CDYL2: variants seen among roughly 807,000 people sequenced by gnomAD.
The protein encoded by CDYL2 is chromodomain Y-like protein 2.
A neutral mutation model predicts 49.4 loss-of-function variants in CDYL2; 23 were observed. The observed-to-expected ratio is 0.47, with a 90% confidence interval of 0.34 to 0.66. The LOEUF (loss-of-function observed/expected upper bound fraction) is 0.66. Among genes scored for constraint, CDYL2 ranks in the 30% least tolerant of loss-of-function variants. The probability of loss-of-function intolerance (pLI) is 0.01; values close to 1 mark genes in which losing one functional copy is unlikely to be tolerated. For synonymous variants in CDYL2, 360 were observed against 268.8 expected, an observed-to-expected ratio of 1.34 and a Z score of -3.32; for missense variants, 678 against 656.4, an observed-to-expected ratio of 1.03 and a Z score of -0.36.
intron 1 of CDYL2, among the ~76,000 whole-genome samples, chr16:80,748,469 A>C (rs1435548576): frequency 1.2e-4 from 15 of 122,264 alleles, no homozygotes; most frequent in Non-Finnish European, 2.4e-4. Context: ...GGATCGCGCC[A>C]CTGCCCTCCA....
intron 1 of CDYL2, among the ~76,000 whole-genome samples, chr16:80,776,322 G>A (rs751065474): frequency 6.6e-6 from 1 of 151,958 alleles, no homozygotes; most frequent in African/African-American, 2.4e-5. Context: ...GAAATAATTT[G>A]GTGAATCTGT....
chr16:80,652,214 G>T (rs1024024952), intron 2 of CDYL2, among the ~76,000 whole-genome samples: 2 of 152,058 alleles, frequency 1.3e-5, no homozygotes, highest in Non-Finnish European at 2.9e-5. Context: ...TGGAGCAATG[G>T]CTGACTCTGT....
At chr16:80,608,266 G>A (rs777439337) in intron 5 of CDYL2, 31 bp from the exon 6 acceptor site, 4 of 1,532,526 alleles carry the variant, frequency 2.6e-6, no homozygotes, top group Non-Finnish European at 2.6e-6. Context: ...AAAGACTGAG[G>A]GCCTGGAGGT....
chr16:80,662,816 T>C (rs1404278596), intron 2 of CDYL2: 3 of 451,310 alleles, frequency 6.6e-6, no homozygotes, highest in African/African-American at 6.0e-5. Context: ...CATGGATACC[T>C]TCCACATCTT....
intron 1 of CDYL2, among the ~76,000 whole-genome samples, chr16:80,759,834 G>A (rs1373920986): frequency 6.6e-6 from 1 of 152,122 alleles, no homozygotes; most frequent in Non-Finnish European, 1.5e-5. Flanking sequence ...GAAACTACCA[G>A]GGGAATTCTA....
intron 1 of CDYL2, among the ~76,000 whole-genome samples, chr16:80,695,801 T>C (rs552031162): frequency 8.7e-4 from 133 of 152,262 alleles, no homozygotes; most frequent in Middle Eastern, 3.4e-3. Context: ...CAATACAATA[T>C]TAGTTGAGAC....
chr16:80,639,624 A>AC (rs760366579), intron 2 of CDYL2: 3 of 393,474 alleles, frequency 7.6e-6, no homozygotes, highest in Admixed American at 2.9e-5. Flanking sequence ...GTCTACACAC[A>AC]AAAAAAAATA....
At chr16:80,619,035 T>C (rs1207370410) in intron 4 of CDYL2, among the ~76,000 whole-genome samples, 2 of 152,230 alleles carry the variant, frequency 1.3e-5, no homozygotes, top group Non-Finnish European at 2.9e-5. Flanking sequence ...CTGGAAGTTC[T>C]GACGGAGAAG....
chr16:80,800,277 T>C (rs185566150), intron 1 of CDYL2, among the ~76,000 whole-genome samples: 86 of 152,284 alleles, frequency 5.6e-4, no homozygotes, highest in Admixed American at 2.9e-3. Flanking sequence ...CGAAGAAGGC[T>C]ACACCCTGGA....
Position 80,598,604 on chromosome 16 carries a change from T to G in CDYL2, c.*5784A>C, listed in dbSNP as rs139269438. ...AAAATTCTTACCCTGGAGGTTCATA[T>G]TCAGATGGAGGAGTCTACACTGGCC... On this transcript the variant is annotated 3_prime_UTR_variant, in exon 7 of 7. Coordinates refer to ENST00000570137, the MANE Select transcript of CDYL2 (RefSeq NM_152342.4). 1 of 152,092 alleles carries G rather than the reference T, an allele frequency of 6.6e-6. No homozygotes were observed. The highest frequency in any genetic ancestry group is 2.4e-5 in the African/African-American group (1 of 41,388). The allele number at this position is 152,092 out of a possible 1,614,324, so 9.4% of individuals were successfully genotyped here.
At chr16:80,633,747 G>T (rs1045989149) in intron 2 of CDYL2, among the ~76,000 whole-genome samples, 1 of 152,232 alleles carries the variant, frequency 6.6e-6, no homozygotes, top group Non-Finnish European at 1.5e-5. Context: ...GCGCTGCCTT[G>T]AGATGAGAGG....
At chr16:80,702,217 C>CACACACAA (rs935484814) in intron 1 of CDYL2, among the ~76,000 whole-genome samples, 1 of 150,558 alleles carries the variant, frequency 6.6e-6, no homozygotes, top group African/African-American at 2.4e-5. Flanking sequence ...CACACACACA[C>CACACACAA]AAAACTATAA....
At chr16:80,655,525 C>G (rs1908768085) in intron 2 of CDYL2, among the ~76,000 whole-genome samples, 1 of 152,068 alleles carries the variant, frequency 6.6e-6, no homozygotes, top group Admixed American at 6.5e-5. Flanking sequence ...TGTTCGTGAA[C>G]CCAAATCTCA....
At chr16:80,653,974 C>T (rs752303051) in intron 2 of CDYL2, among the ~76,000 whole-genome samples, 5 of 152,172 alleles carry the variant, frequency 3.3e-5, no homozygotes, top group Middle Eastern at 3.2e-3. Flanking sequence ...GAGCCATCTT[C>T]CTCATGCATG....
At chr16:80,752,600 G>A (rs1483610667) in intron 1 of CDYL2, among the ~76,000 whole-genome samples, 1 of 152,150 alleles carries the variant, frequency 6.6e-6, no homozygotes, top group African/African-American at 2.4e-5. Flanking sequence ...ACCAACAGAA[G>A]AGCTAAAATA....
At chr16:80,663,442 T>C (rs896243938) in intron 2 of CDYL2, among the ~76,000 whole-genome samples, 1 of 152,036 alleles carries the variant, frequency 6.6e-6, no homozygotes, top group Non-Finnish European at 1.5e-5. Flanking sequence ...AAAAAAATCT[T>C]AGCCACAGTT....
At chr16:80,758,174 A>C (rs1906378662) in intron 1 of CDYL2, among the ~76,000 whole-genome samples, 1 of 152,210 alleles carries the variant, frequency 6.6e-6, no homozygotes, top group Non-Finnish European at 1.5e-5. Flanking sequence ...TAAATGGATT[A>C]GTCAATAATC....
intron 2 of CDYL2, among the ~76,000 whole-genome samples, chr16:80,635,630 C>T (rs927252312): frequency 6.6e-6 from 1 of 152,080 alleles, no homozygotes; most frequent in Non-Finnish European, 1.5e-5. Flanking sequence ...TAAAAATGGC[C>T]CTACTGCTCA....
chr16:80,677,474 C>T (rs1485267419), intron 2 of CDYL2, among the ~76,000 whole-genome samples: 1 of 152,142 alleles, frequency 6.6e-6, no homozygotes, highest in African/African-American at 2.4e-5. Flanking sequence ...CGCAGTGGCG[C>T]ACGCCTGGAA....
Sources: allele counts gnomAD v4.1 joint callset (sites outside exome capture counted in the v4.1 genomes callset), GRCh38; gene constraint gnomAD v4.1.1; transcripts MANE v1.5; gene names NCBI Gene and HGNC (gene_info 2026-07-23, HGNC 2026-07-21).